The following MEF2A variants were observed in gnomAD, a reference collection of about 807,000 sequenced individuals.
MEF2A encodes the protein myocyte-specific enhancer factor 2A.
MEF2A carries 28 observed loss-of-function variants against 55.8 expected under a neutral mutation model. The observed-to-expected ratio is 0.50, with a 90% CI of 0.37 to 0.69. The LOEUF (loss-of-function observed/expected upper bound fraction) is 0.69. MEF2A is among the 30% of genes least tolerant of loss of function. MEF2A has a pLI of 0.00. For missense variants in MEF2A, 528 were observed against 626.2 expected (o/e 0.84, Z 1.67); for synonymous variants, 239 against 227.1 (o/e 1.05, Z -0.47).
chr15:99,635,029 T>A (rs1394789533), intron 3 of MEF2A, among the ~76,000 whole-genome samples: 1 of 152,234 alleles, frequency 6.6e-6, no homozygotes, highest in Non-Finnish European at 1.5e-5. Flanking sequence ...AAACTGTATC[T>A]TTGCAGAAGA....
chr15:99,586,563 T>A (rs1967345515), intron 1 of MEF2A, among the ~76,000 whole-genome samples: 1 of 152,200 alleles, frequency 6.6e-6, no homozygotes, highest in Admixed American at 6.5e-5. Context: ...CTTTATATAT[T>A]CTACATAGAA....
intron 7 of MEF2A, among the ~76,000 whole-genome samples, chr15:99,680,645 C>T (rs1277169681): frequency 1.3e-5 from 2 of 152,216 alleles, no homozygotes; most frequent in South Asian, 2.1e-4. Flanking sequence ...AAGAAATCAA[C>T]ATATTCAACA....
At chr15:99,650,693 A>C (rs2153512725) in intron 4 of MEF2A, among the ~76,000 whole-genome samples, 1 of 152,356 alleles carries the variant, frequency 6.6e-6, no homozygotes, top group South Asian at 2.1e-4. Context: ...AATCAGTATA[A>C]GATCCATCTA....
At chr15:99,646,082 GAAGTT>G (rs1335005601) in intron 4 of MEF2A, among the ~76,000 whole-genome samples, 9 of 151,916 alleles carry the variant, frequency 5.9e-5, no homozygotes, top group Non-Finnish European at 1.3e-4. Flanking sequence ...TGGACAGTAT[GAAGTT>G]ACAGTTTTGG....
intron 7 of MEF2A, among the ~76,000 whole-genome samples, chr15:99,686,478 G>A (rs555687006): frequency 2.6e-5 from 4 of 152,268 alleles, no homozygotes; most frequent in African/African-American, 7.2e-5. Flanking sequence ...ATTCATGAAG[G>A]TTAGTTTTGC....
intron 1 of MEF2A, among the ~76,000 whole-genome samples, chr15:99,573,029 C>T (rs1436273822): frequency 1.3e-5 from 2 of 152,192 alleles, no homozygotes; most frequent in East Asian, 3.8e-4. Flanking sequence ...TGGCTCACGC[C>T]TGTAATCCCA....
intron 8 of MEF2A, among the ~76,000 whole-genome samples, chr15:99,700,639 T>C (rs1029777803): frequency 2.0e-5 from 3 of 152,130 alleles, no homozygotes; most frequent in Non-Finnish European, 2.9e-5. Flanking sequence ...GGTGCTCAGA[T>C]TTTAGTTTCA....
intron 4 of MEF2A, among the ~76,000 whole-genome samples, chr15:99,660,281 G>A (rs1282770620): frequency 2.6e-5 from 4 of 152,064 alleles, no homozygotes; most frequent in African/African-American, 7.2e-5. Context: ...GGCTCACCCC[G>A]ACCTCCGCCT....
In MEF2A at chr15:99,686,358, A is replaced by G. The variant is rs1421088987; in HGVS notation, c.671-3883A>G. 3.3e-5 allele frequency among the ~76,000 whole-genome samples: 5 copies of G among 151,718 alleles called. No individual in the cohort carries two copies. The East Asian group carries it at 9.6e-4, about 29-fold the overall frequency. ...TATGATTTAAGGAGGGTGTATTTTC[A>G]GGTTTTGTTTCAAGATTTAGAACTC... On this transcript the variant is annotated intron_variant, in intron 7 of 11. Coordinates refer to ENST00000557942, the MANE Select transcript of MEF2A (RefSeq NM_001319206.4).
intron 2 of MEF2A, among the ~76,000 whole-genome samples, chr15:99,630,648 T>C (rs991802638): frequency 2.0e-5 from 3 of 152,220 alleles, no homozygotes; most frequent in Non-Finnish European, 4.4e-5. Flanking sequence ...GATGATGTTA[T>C]CTTTCTGCTG....
intron 7 of MEF2A, among the ~76,000 whole-genome samples, chr15:99,677,917 A>T (rs930994317): frequency 6.6e-6 from 1 of 152,216 alleles, no homozygotes; most frequent in African/African-American, 2.4e-5. Flanking sequence ...TTTCTATTTC[A>T]GGCATGGTGA....
chr15:99,707,438 G>A (rs2058159165), intron 10 of MEF2A, among the ~76,000 whole-genome samples: 1 of 152,080 alleles, frequency 6.6e-6, no homozygotes, highest in African/African-American at 2.4e-5. Flanking sequence ...CTGCCTTTGA[G>A]GGGAGCTTTT....
chr15:99,629,541 C>A (rs1185407061), intron 2 of MEF2A, among the ~76,000 whole-genome samples: 5 of 151,986 alleles, frequency 3.3e-5, no homozygotes, highest in Non-Finnish European at 7.4e-5. Flanking sequence ...GAAGGGGTGT[C>A]TGTAATGAGC....
intron 8 of MEF2A, among the ~76,000 whole-genome samples, chr15:99,694,895 GT>G: frequency 6.6e-6 from 1 of 151,614 alleles, no homozygotes. Context: ...ACAATACCAC[GT>G]TTTTCTGTTG....
At chr15:99,641,715 C>T (rs1240849323) in intron 3 of MEF2A, among the ~76,000 whole-genome samples, 4 of 152,152 alleles carry the variant, frequency 2.6e-5, no homozygotes, top group Admixed American at 6.5e-5. Context: ...CAGAGTGAGA[C>T]TCTGTCTTAA....
At chr15:99,658,474 T>C (rs1183307238) in intron 4 of MEF2A, among the ~76,000 whole-genome samples, 1 of 152,126 alleles carries the variant, frequency 6.6e-6, no homozygotes, top group East Asian at 1.9e-4. Context: ...TAATTGGCAT[T>C]GTAGAAGACG....
chr15:99,690,242 G>A lies in MEF2A; in HGVS notation c.672G>A (p.Gly224=), dbSNP rs1194243344. The A allele has an allele frequency of 4.3e-6, 7 of 1,612,698 alleles. No homozygotes were observed. The African/African-American group carries it at 6.7e-5, about 15-fold the overall frequency. The change falls in exon 8 of 12, where the codon GGG becomes GGA. Residue 224 remains glycine, a splice_region_variant and synonymous_variant. Transcript: ENST00000557942. ...VPNGAGSSPV[G]NGFVNSRASP... is the part of the protein sequence containing the mutation. ...ATTGAATGATATTTTTCCCCCCAGG[G>A]AATGGATTTGTAAACTCAAGAGCTT...
intron 1 of MEF2A, among the ~76,000 whole-genome samples, chr15:99,588,292 T>G (rs1225432869): frequency 6.6e-6 from 1 of 152,022 alleles, no homozygotes; most frequent in African/African-American, 2.4e-5. Flanking sequence ...AATTTTTTTT[T>G]GTTGTTTTTT....
In MEF2A at chr15:99,714,457, T is replaced by G. The variant is rs543557060; in HGVS notation, c.*1686T>G. ...GCAGCTGGTTACAAAATCCTACCGT[T>G]ATCAGCTCTTCTGCACATTGCAGTG... is the stretch of plus-strand genomic sequence containing the variant. On this transcript the variant is annotated 3_prime_UTR_variant, in exon 12 of 12. Transcript: ENST00000557942. The G allele has an allele frequency of 6.6e-6, 1 of 152,336 alleles. No homozygotes were observed. Among genetic ancestry groups the G allele is most frequent in the East Asian group, 1.9e-4 (1 of 5,184 alleles). 9.4% of individuals were successfully genotyped at this position (152,336 alleles called of 1,614,324 possible).
Sources: allele counts gnomAD v4.1 joint callset (sites outside exome capture counted in the v4.1 genomes callset), GRCh38; gene constraint gnomAD v4.1.1; transcripts MANE v1.5; gene names NCBI Gene and HGNC (gene_info 2026-07-23, HGNC 2026-07-21).